The following RPS6 variants were observed in gnomAD, a reference collection of about 807,000 sequenced individuals.
RPS6 encodes the protein ribosomal protein S6.
In RPS6, 1 loss-of-function variant was observed where a neutral mutation model predicts 27.1. The observed-to-expected ratio is 0.04, with a 90% CI of 0.01 to 0.18. The LOEUF is 0.18. RPS6 is among the 10% of genes least tolerant of loss of function. RPS6 has a pLI of 1.00. For synonymous variants in RPS6, 152 were observed against 106.0 expected (o/e 1.43, Z -2.66); for missense variants, 259 against 319.1 (o/e 0.81, Z 1.44).
Position 19,379,350 on chromosome 9 carries a change from T to TATA in RPS6, c.138+134_138+136dup, listed in dbSNP as rs759297685. 3.9e-6 allele frequency: 6 copies of TATA among 1,546,248 alleles called. No individual in the cohort carries two copies. In the East Asian group the frequency reaches 1.5e-4, roughly 38 times the overall value. On this transcript the variant is annotated intron_variant, in intron 2 of 5. Transcript: ENST00000380394. ...CCCTCCAAGGTAATACCTCTAACTTTATAAAGTGGCATTCGGAAGCAACTT... is the reference window on the plus strand; with the variant it reads ...CCCTCCAAGGTAATACCTCTAACTTTATAATAAAGTGGCATTCGGAAGCAACTT...
In RPS6 at chr9:19,376,391, A is replaced by G. The variant is rs1169360366; in HGVS notation, c.655-3T>C. 3 of 1,613,346 alleles carry G rather than the reference A, an allele frequency of 1.9e-6. No homozygotes were observed. Among genetic ancestry groups the G allele is most frequent in the East Asian group, 2.2e-5 (1 of 44,862 alleles). Reference sequence around the variant, plus strand: ...TCCTGGCGCTTCTCCTTAGCCTCCTAAACAAAACAAAACAGCAAACAGTTA... The same window carrying G: ...TCCTGGCGCTTCTCCTTAGCCTCCTGAACAAAACAAAACAGCAAACAGTTA... On this transcript the variant is annotated splice_region_variant and splice_polypyrimidine_tract_variant and intron_variant, in intron 5 of 5. Coordinates refer to ENST00000380394, the MANE Select transcript of RPS6 (RefSeq NM_001010.3).
Position 19,378,727 on chromosome 9 carries a change from G to A in RPS6, c.330C>T (p.Asn110=), listed in dbSNP as rs770215862. The change falls in exon 3 of 6, where the codon AAC becomes AAT. Residue 110 remains asparagine, a synonymous_variant. Transcript: ENST00000380394. ...CCTCACCTTTTTTTACAATAACCAA[G>A]TTGAGAACGCTCAGATTTGCATCCA... ...CIVDANLSVL[N]LVIVKKGEKD... The A allele has an allele frequency of 2.5e-6, 4 of 1,613,986 alleles. No homozygotes were observed. The highest frequency in any genetic ancestry group is 1.7e-5 in the Admixed American group (1 of 60,018).
At chr9:19,380,103 T>C (rs945217462) in intron 1 of RPS6, 87 bp downstream of exon 1, 15 of 1,613,876 alleles carry the variant, frequency 9.3e-6, no homozygotes, top group Non-Finnish European at 1.3e-5. Context: ...GCCAGGATCC[T>C]GGAGTGCTGG....
chr9:19,379,812 G>A lies in RPS6; in HGVS notation c.7-194C>T, dbSNP rs563637618. ...AGTCAAGAAGCGCCGCACTCAGCAG[G>A]ACGTTTTCCCCTCAAGCCCCGCGGA... On this transcript the variant is annotated intron_variant, in intron 1 of 5. Coordinates refer to ENST00000380394, the MANE Select transcript of RPS6 (RefSeq NM_001010.3). The A allele has an allele frequency of 2.0e-5, 29 of 1,431,712 alleles. No homozygotes were observed. The African/African-American group carries it at 3.7e-4, about 18-fold the overall frequency. 88.7% of individuals were successfully genotyped at this position (1,431,712 alleles called of 1,614,324 possible).
At chr9:19,378,626 T>C (rs1829628159) in intron 3 of RPS6, 82 bp downstream of exon 3, 2 of 1,573,294 alleles carry the variant, frequency 1.3e-6, no homozygotes, top group African/African-American at 1.3e-5. Context: ...GGTCTGTAAG[T>C]CTGGATACTG....
chr9:19,379,240 T>G, intron 2 of RPS6: 1 of 1,357,222 alleles, frequency 7.4e-7, no homozygotes, highest in Non-Finnish European at 9.8e-7. Flanking sequence ...GACAGCTATG[T>G]GACATATTGC....
chr9:19,376,473 C>G (rs201362985), intron 5 of RPS6, 21 bp downstream of exon 5: 6 of 1,613,164 alleles, frequency 3.7e-6, no homozygotes, highest in East Asian at 4.5e-5. Context: ...CTCCCACCCC[C>G]TCAAATCATC....
chr9:19,376,057 G>A lies in RPS6; in HGVS notation c.*236C>T, dbSNP rs2132424730. 2.4e-6 allele frequency: 1 copy of A among 417,750 alleles called. No individual in the cohort carries two copies. The highest frequency in any genetic ancestry group is 4.3e-6 in the Non-Finnish European group (1 of 233,822). The allele number at this position is 417,750 out of a possible 1,614,324, so 25.9% of individuals were successfully genotyped here. ...CATTCTGAAGAGGCAGGTGTCTTATGCTCAGAATCCCTTCCTGTGCCACCC... is the reference window on the plus strand; with the variant it reads ...CATTCTGAAGAGGCAGGTGTCTTATACTCAGAATCCCTTCCTGTGCCACCC... On this transcript the variant is annotated 3_prime_UTR_variant, in exon 6 of 6. Coordinates refer to ENST00000380394, the MANE Select transcript of RPS6 (RefSeq NM_001010.3).
chr9:19,380,077 C>A, intron 1 of RPS6, 113 bp downstream of exon 1: 1 of 1,611,556 alleles, frequency 6.2e-7, no homozygotes. Context: ...CTACTTGAGA[C>A]CCTTCTCCAC....
chr9:19,378,440 G>A lies in RPS6; in HGVS notation c.424C>T (p.Arg142Cys), dbSNP rs368574272. The change falls in exon 4 of 6, where the codon CGC becomes TGC. Residue 142 changes from arginine (R) to cysteine (C), a missense_variant. Coordinates refer to ENST00000380394, the MANE Select transcript of RPS6 (RefSeq NM_001010.3). ...RLGPKRASRI[R>C]KLFNLSKEDD... ...TCTTTAGAGAGATTGAAAAGTTTGC[G>A]GATTCTGCTAGCTCTTTTGGGGCCC... 3.7e-6 allele frequency: 6 copies of A among 1,613,866 alleles called. No individual in the cohort carries two copies. Among genetic ancestry groups the A allele is most frequent in the African/African-American group, 1.3e-5 (1 of 74,892 alleles).
intron 1 of RPS6, 34 bp from the exon 2 acceptor site, chr9:19,379,652 ACTAT>A (rs757088818): frequency 6.5e-5 from 103 of 1,592,174 alleles, no homozygotes; most frequent in Middle Eastern, 1.7e-4. Context: ...AGTTTACGAA[ACTAT>A]CTATACAGGT....
chr9:19,379,735 GA>G lies in RPS6; in HGVS notation c.7-118del, dbSNP rs140144551. ...TTTCATGTTGCCTCCACACAAGCAG[GA>G]AATATAAGATGCCGACTGTACTCAC... On this transcript the variant is annotated intron_variant, in intron 1 of 5. Coordinates refer to ENST00000380394, the MANE Select transcript of RPS6 (RefSeq NM_001010.3). 3.8e-3 allele frequency: 5,650 copies of G among 1,506,552 alleles called. 192 individuals are homozygous for G. In the African/African-American group the frequency reaches 0.071, roughly 19 times the overall value. The allele number at this position is 1,506,552 out of a possible 1,614,324, so 93.3% of individuals were successfully genotyped here. A position where few individuals can be genotyped will look rare whatever the true frequency, so the allele number is the denominator to read the frequency against.
intron 4 of RPS6, among the ~76,000 whole-genome samples, 168 bp downstream of exon 4, chr9:19,378,200 G>T (rs374569783): frequency 6.6e-6 from 1 of 152,106 alleles, no homozygotes. Context: ...AATAAGCAAG[G>T]ATTAACACCA....
At chr9:19,379,839 T>TGACTCTGGGGGCGAGGG (rs1304787124) in intron 1 of RPS6, 14 of 1,424,412 alleles carry the variant, frequency 9.8e-6, no homozygotes, top group Non-Finnish European at 1.2e-5. Context: ...CCCCGCGGAA[T>TGACTCTGGGGGCGAGGG]GACTCTGGGG....
At position 19,378,719 on chromosome 9, in the gene RPS6, A is replaced by G. The variant is rs1228316904; in HGVS notation, c.338T>C (p.Ile113Thr). 1.9e-6 allele frequency: 3 copies of G among 1,613,890 alleles called. No individual in the cohort carries two copies. The highest frequency in any genetic ancestry group is 1.1e-5 in the South Asian group (1 of 91,080). ...CAAGTAACCCTCACCTTTTTTTACAATAACCAAGTTGAGAACGCTCAGATT... is the reference window on the plus strand; with the variant it reads ...CAAGTAACCCTCACCTTTTTTTACAGTAACCAAGTTGAGAACGCTCAGATT... ...DANLSVLNLV[I>T]VKKGEKDIPG... Residue 113 changes from isoleucine to threonine, a missense_variant, in exon 3 of 6, where the codon ATT (isoleucine) becomes ACT (threonine). Around this residue, in one of 3 missense-constraint regions of RPS6, gnomAD observed 191 missense variants for 231.6 expected, o/e 0.82. Coordinates refer to ENST00000380394, the MANE Select transcript of RPS6 (RefSeq NM_001010.3).
At chr9:19,378,247 A>G in intron 4 of RPS6, 121 bp downstream of exon 4, 1 of 967,902 alleles carries the variant, frequency 1.0e-6, no homozygotes, top group Non-Finnish European at 1.5e-6. Context: ...ATTTTCTGTA[A>G]AAACTCCAAG....
At chr9:19,376,695 AG>A in intron 4 of RPS6, 44 bp from the exon 5 acceptor site, 1 of 1,567,118 alleles carries the variant, frequency 6.4e-7, no homozygotes, top group East Asian at 2.2e-5. Context: ...TTGTTTTGTT[AG>A]AATCCACATC....
At chr9:19,376,814 C>A in intron 4 of RPS6, 163 bp from the exon 5 acceptor site, 1 of 552,226 alleles carries the variant, frequency 1.8e-6, no homozygotes, top group Non-Finnish European at 3.0e-6. Context: ...TTTTGCCCCT[C>A]CACAGAAATC....
Position 19,376,600 on chromosome 9 carries a change from C to T in RPS6, c.548G>A (p.Arg183His), listed in dbSNP as rs1416686211. The change falls in exon 5 of 6, where the codon CGT becomes CAT. Residue 183 changes from arginine to histidine, a missense_variant. Arg to His is a conservative substitution (Grantham distance 29). Transcript: ENST00000380394. ...APKIQRLVTP[R>H]VLQHKRRRIA... is the part of the protein sequence containing the mutation. ...ACGCCGCCGTTTGTGCTGCAGGACACGTGGAGTAACAAGACGCTGAATCTT... is the reference window on the plus strand; with the variant it reads ...ACGCCGCCGTTTGTGCTGCAGGACATGTGGAGTAACAAGACGCTGAATCTT... The T allele has an allele frequency of 1.2e-6, 2 of 1,614,144 alleles. No individual in the cohort carries two copies. Among genetic ancestry groups the T allele is most frequent in the Non-Finnish European group, 1.7e-6 (2 of 1,180,038 alleles).
Sources: allele counts gnomAD v4.1 joint callset (sites outside exome capture counted in the v4.1 genomes callset), GRCh38; gene constraint gnomAD v4.1.1; regional missense constraint gnomAD v4.1.1; transcripts MANE v1.5; gene names NCBI Gene and HGNC (gene_info 2026-07-23, HGNC 2026-07-21).